CSMD1: variants seen among roughly 807,000 people sequenced by gnomAD.
CSMD1 encodes CUB and sushi domain-containing protein 1.
A neutral mutation model predicts 417.5 loss-of-function variants in CSMD1; 213 were observed. The observed-to-expected ratio is 0.51, with a 90% CI of 0.46 to 0.57. CSMD1 has a LOEUF of 0.57. Ranked by LOEUF, CSMD1 falls within the 20% of genes least tolerant of loss-of-function variation. CSMD1 has a pLI of 0.00. For synonymous variants in CSMD1, 2,862 were observed against 1,736.8 expected, an observed-to-expected ratio of 1.65 and a Z score of -16.11; for missense variants, 6,923 against 4,529.7, an observed-to-expected ratio of 1.53 and a Z score of -15.17.
intron 3 of CSMD1, among the ~76,000 whole-genome samples, chr8:4,120,645 A>T (rs12056743): frequency 6.6e-6 from 1 of 152,158 alleles, no homozygotes; most frequent in African/African-American, 2.4e-5. Flanking sequence ...GGCCTTCTCT[A>T]GTCAGTAACT....
chr8:3,576,876 T>C (rs1423600515), intron 9 of CSMD1, among the ~76,000 whole-genome samples: 1 of 152,248 alleles, frequency 6.6e-6, no homozygotes, highest in Non-Finnish European at 1.5e-5. Flanking sequence ...TGAGTTGTAA[T>C]ACCTTTATGT....
intron 1 of CSMD1, among the ~76,000 whole-genome samples, chr8:4,918,266 G>A (rs763674291): frequency 1.3e-5 from 2 of 152,174 alleles, no homozygotes; most frequent in African/African-American, 2.4e-5. Context: ...AAGCATGTGA[G>A]CTTTCTGGGA....
At chr8:3,213,742 A>T (rs1199861239) in intron 30 of CSMD1, among the ~76,000 whole-genome samples, 1 of 150,670 alleles carries the variant, frequency 6.6e-6, no homozygotes, top group Non-Finnish European at 1.5e-5. Context: ...TATATGTAAA[A>T]ATATATGTGT....
intron 3 of CSMD1, among the ~76,000 whole-genome samples, chr8:4,123,487 T>G (rs1012505074): frequency 6.6e-6 from 1 of 152,248 alleles, no homozygotes; most frequent in African/African-American, 2.4e-5. Context: ...TGCAGTTGAA[T>G]TGCTTTTAGA....
chr8:4,942,296 A>T (rs991182951), intron 1 of CSMD1, among the ~76,000 whole-genome samples: 3 of 151,970 alleles, frequency 2.0e-5, no homozygotes, highest in African/African-American at 7.2e-5. Context: ...ATTCAAAAGA[A>T]TTCCTCTGTG....
intron 52 of CSMD1, among the ~76,000 whole-genome samples, chr8:3,001,969 G>C (rs1223942977): frequency 6.6e-6 from 1 of 152,138 alleles, no homozygotes; most frequent in African/African-American, 2.4e-5. Context: ...CTATTTTGGA[G>C]AACAAACTTA....
chr8:4,009,013 A>G (rs1437229837), intron 4 of CSMD1, among the ~76,000 whole-genome samples: 12 of 152,084 alleles, frequency 7.9e-5, no homozygotes, highest in African/African-American at 1.2e-4. Flanking sequence ...CCCATACCGA[A>G]TTTCCATCAG....
chr8:3,725,049 C>T (rs192920802), intron 6 of CSMD1, among the ~76,000 whole-genome samples: 40 of 152,248 alleles, frequency 2.6e-4, no homozygotes, highest in African/African-American at 4.3e-4. Flanking sequence ...CCTCTCCAGA[C>T]GACTAGAGGA....
intron 3 of CSMD1, among the ~76,000 whole-genome samples, chr8:4,191,024 C>A (rs1197666393): frequency 6.6e-6 from 1 of 152,072 alleles, no homozygotes; most frequent in African/African-American, 2.4e-5. Flanking sequence ...ATGAAGTCAT[C>A]TGTGCAACAA....
At chr8:4,645,524 G>A (rs1803465064) in intron 1 of CSMD1, among the ~76,000 whole-genome samples, 1 of 140,274 alleles carries the variant, frequency 7.1e-6, no homozygotes, top group South Asian at 2.3e-4. Flanking sequence ...TTAATTTGCT[G>A]CATGGAGCAT....
intron 2 of CSMD1, among the ~76,000 whole-genome samples, chr8:4,453,359 G>A (rs930901947): frequency 6.6e-6 from 1 of 152,158 alleles, no homozygotes; most frequent in African/African-American, 2.4e-5. Flanking sequence ...CAGTCTGCTG[G>A]GATTGGGGGT....
intron 2 of CSMD1, among the ~76,000 whole-genome samples, chr8:4,611,605 C>G (rs574146202): frequency 2.0e-5 from 3 of 152,322 alleles, no homozygotes; most frequent in Admixed American, 1.3e-4. Context: ...AGATGAAACT[C>G]TCTTTCTCTT....
chr8:2,963,191 T>G, intron 60 of CSMD1, 31 bp downstream of exon 60: 4 of 1,610,758 alleles, frequency 2.5e-6, no homozygotes, highest in Non-Finnish European at 2.5e-6. Context: ...AGACCTGCAG[T>G]GGGCGGAACA....
intron 1 of CSMD1, among the ~76,000 whole-genome samples, chr8:4,853,641 G>A (rs1209046446): frequency 1.3e-5 from 2 of 152,172 alleles, no homozygotes; most frequent in Admixed American, 6.5e-5. Context: ...CCCATGGAAT[G>A]TCCCCACTGG....
At chr8:3,453,153 T>C (rs573416881) in intron 12 of CSMD1, among the ~76,000 whole-genome samples, 2 of 152,294 alleles carry the variant, frequency 1.3e-5, no homozygotes, top group South Asian at 4.1e-4. Context: ...TCCATGGGAT[T>C]GGTGGTGATA....
chr8:4,712,518 T>C (rs1808373417), intron 1 of CSMD1, among the ~76,000 whole-genome samples: 1 of 152,168 alleles, frequency 6.6e-6, no homozygotes. Flanking sequence ...TCCCTTATTT[T>C]CCTTATCCCT....
intron 10 of CSMD1, among the ~76,000 whole-genome samples, chr8:3,571,712 C>T (rs1799950021): frequency 6.6e-6 from 1 of 151,916 alleles, no homozygotes; most frequent in Non-Finnish European, 1.5e-5. Flanking sequence ...GTCTTGTGTT[C>T]CTCCGTCCCT....
chr8:4,810,913 C>G (rs1024177010), intron 1 of CSMD1, among the ~76,000 whole-genome samples: 1 of 152,072 alleles, frequency 6.6e-6, no homozygotes, highest in Non-Finnish European at 1.5e-5. Flanking sequence ...TAACTGCTAC[C>G]TCTCCTGAAA....
At chr8:3,926,085 A>AC (rs1256267839) in intron 5 of CSMD1, among the ~76,000 whole-genome samples, 2 of 8,814 alleles carry the variant, frequency 2.3e-4, no homozygotes, top group African/African-American at 1.5e-3. Flanking sequence ...AACACCATAC[A>AC]CACACACACA....
Sources: allele counts gnomAD v4.1 joint callset (sites outside exome capture counted in the v4.1 genomes callset), GRCh38; gene constraint gnomAD v4.1.1; transcripts MANE v1.5; gene names NCBI Gene and HGNC (gene_info 2026-07-23, HGNC 2026-07-21).